MACROD2: variants seen among roughly 807,000 people sequenced by gnomAD.
The protein encoded by MACROD2 is ADP-ribose glycohydrolase MACROD2.
Under a neutral mutation model 70.4 loss-of-function variants are expected in MACROD2, and 36 were observed. The ratio of observed to expected loss-of-function variants is 0.51; its 90% CI spans 0.39 to 0.68. The LOEUF (loss-of-function observed/expected upper bound fraction) is 0.68. Among genes scored for constraint, MACROD2 ranks in the 30% least tolerant of loss-of-function variants. The pLI is 0.00. For missense variants in MACROD2, 496 were observed against 538.4 expected (o/e 0.92, Z 0.78); for synonymous variants, 172 against 178.8 (o/e 0.96, Z 0.30).
intron 4 of MACROD2, among the ~76,000 whole-genome samples, chr20:14,666,701 G>T (rs897842281): frequency 6.6e-6 from 1 of 151,644 alleles, no homozygotes; most frequent in African/African-American, 2.4e-5. Context: ...CAGTTCTAGA[G>T]ATTTCATGTG....
chr20:15,452,066 C>T (rs144730045), intron 7 of MACROD2, among the ~76,000 whole-genome samples: 7 of 152,276 alleles, frequency 4.6e-5, no homozygotes, highest in African/African-American at 1.7e-4. Flanking sequence ...TTACTGCTCA[C>T]CTGTTGTCTA....
At chr20:15,136,800 C>T (rs1467023614) in intron 5 of MACROD2, among the ~76,000 whole-genome samples, 5 of 151,980 alleles carry the variant, frequency 3.3e-5, no homozygotes, top group Admixed American at 6.6e-5. Context: ...AGAAAATTTT[C>T]GCAACCTACT....
At chr20:15,773,873 G>A (rs1251420238) in intron 8 of MACROD2, among the ~76,000 whole-genome samples, 3 of 152,054 alleles carry the variant, frequency 2.0e-5, no homozygotes, top group Non-Finnish European at 2.9e-5. Context: ...AGAAGATGAG[G>A]AGATGCAGTC....
chr20:15,997,572 A>G (rs1368538601), intron 15 of MACROD2, among the ~76,000 whole-genome samples: 3 of 152,148 alleles, frequency 2.0e-5, no homozygotes, highest in Non-Finnish European at 4.4e-5. Context: ...TAATGAATTT[A>G]TTAGTTTTAA....
At chr20:14,386,379 T>C (rs534689643) in intron 3 of MACROD2, among the ~76,000 whole-genome samples, 1 of 152,338 alleles carries the variant, frequency 6.6e-6, no homozygotes, top group Non-Finnish European at 1.5e-5. Flanking sequence ...TTCTCTTCTC[T>C]GATGGCAATA....
At chr20:15,446,224 T>C (rs1239621127) in intron 7 of MACROD2, among the ~76,000 whole-genome samples, 4 of 152,142 alleles carry the variant, frequency 2.6e-5, no homozygotes. Flanking sequence ...CATCAGTGAC[T>C]TCTGAAGACT....
At chr20:14,029,931 A>T (rs1481348659) in intron 2 of MACROD2, among the ~76,000 whole-genome samples, 1 of 152,226 alleles carries the variant, frequency 6.6e-6, no homozygotes, top group Non-Finnish European at 1.5e-5. Context: ...TTCTGTTTCT[A>T]ATTAAGTGAT....
chr20:15,575,840 G>A (rs142866072), intron 8 of MACROD2, among the ~76,000 whole-genome samples: 2,181 of 152,076 alleles, frequency 0.014, 24 homozygotes, highest in Non-Finnish European at 0.021. Context: ...GTCTCTTTCC[G>A]GCCACGACTC....
intron 9 of MACROD2, among the ~76,000 whole-genome samples, chr20:15,880,489 G>A (rs1348527420): frequency 6.6e-6 from 1 of 151,818 alleles, no homozygotes; most frequent in African/African-American, 2.4e-5. Context: ...CACCAGTAGG[G>A]AAGTGGGGAA....
At chr20:15,342,641 G>A (rs989915097) in intron 6 of MACROD2, among the ~76,000 whole-genome samples, 1 of 152,022 alleles carries the variant, frequency 6.6e-6, no homozygotes, top group East Asian at 1.9e-4. Context: ...GTTAGATTAC[G>A]ACCAAGGATA....
intron 5 of MACROD2, among the ~76,000 whole-genome samples, chr20:14,711,049 C>A (rs533663053): frequency 1.3e-5 from 2 of 152,266 alleles, no homozygotes; most frequent in Admixed American, 6.5e-5. Flanking sequence ...AGAGAACATG[C>A]AATCATTTTT....
chr20:15,301,561 T>C (rs189426870), intron 6 of MACROD2, among the ~76,000 whole-genome samples: 1 of 149,808 alleles, frequency 6.7e-6, no homozygotes, highest in Non-Finnish European at 1.5e-5. Context: ...TACTTATCAA[T>C]GGGTGGAAGT....
At chr20:15,289,510 G>A (rs759776786) in intron 6 of MACROD2, among the ~76,000 whole-genome samples, 7 of 152,306 alleles carry the variant, frequency 4.6e-5, no homozygotes, top group Non-Finnish European at 1.0e-4. Context: ...TATGAGAACC[G>A]GGTGCACATC....
intron 9 of MACROD2, among the ~76,000 whole-genome samples, chr20:15,870,336 C>T (rs540377895): frequency 6.6e-6 from 1 of 151,710 alleles, no homozygotes; most frequent in Non-Finnish European, 1.5e-5. Flanking sequence ...TCCTAATATT[C>T]CATTGCCCTT....
chr20:15,064,341 G>A (rs1333667513), intron 5 of MACROD2, among the ~76,000 whole-genome samples: 1 of 152,270 alleles, frequency 6.6e-6, no homozygotes, highest in African/African-American at 2.4e-5. Flanking sequence ...CCAGTGGAAC[G>A]TCAGACGGCA....
intron 4 of MACROD2, among the ~76,000 whole-genome samples, chr20:14,558,937 G>A (rs1386227606): frequency 1.3e-5 from 2 of 151,582 alleles, no homozygotes; most frequent in African/African-American, 2.4e-5. Flanking sequence ...AACTTACAGT[G>A]ATGTGATCCT....
At chr20:15,992,322 A>G (rs1328579680) in intron 15 of MACROD2, among the ~76,000 whole-genome samples, 1 of 152,192 alleles carries the variant, frequency 6.6e-6, no homozygotes, top group African/African-American at 2.4e-5. Context: ...GGAGAAATCT[A>G]TCATTCCTTC....
intron 8 of MACROD2, among the ~76,000 whole-genome samples, chr20:15,769,873 C>T (rs2051592951): frequency 6.6e-6 from 1 of 152,104 alleles, no homozygotes; most frequent in Non-Finnish European, 1.5e-5. Context: ...TTGTTAATCT[C>T]ATCCTGAGAG....
chr20:14,204,725 G>A (rs534345050), intron 3 of MACROD2, among the ~76,000 whole-genome samples: 1 of 152,174 alleles, frequency 6.6e-6, no homozygotes, highest in Non-Finnish European at 1.5e-5. Flanking sequence ...GAGGTTTCTT[G>A]TCACTTCTGT....
Sources: gnomAD v4.1 joint callset for allele counts (sites outside exome capture counted in the v4.1 genomes callset) on GRCh38, gnomAD v4.1.1 for gene constraint, MANE v1.5 for transcripts, NCBI Gene and HGNC (gene_info 2026-07-23, HGNC 2026-07-21) for gene names.